FRMD4B: variants seen among roughly 807,000 people sequenced by gnomAD.
FRMD4B encodes the protein FERM domain-containing protein 4B.
FRMD4B carries 74 observed loss-of-function variants against 141.5 expected under a neutral mutation model. The observed-to-expected ratio is 0.52, with a 90% confidence interval of 0.43 to 0.63. The LOEUF (loss-of-function observed/expected upper bound fraction) is 0.63, where lower values mean the gene tolerates loss of function less well. Among genes scored for constraint, FRMD4B ranks in the 30% least tolerant of loss-of-function variants. FRMD4B has a pLI of 0.00. For missense variants in FRMD4B, 1,366 were observed against 1,253.4 expected, an observed-to-expected ratio of 1.09 and a Z score of -1.36; for synonymous variants, 506 against 467.9, an observed-to-expected ratio of 1.08 and a Z score of -1.05.
intron 1 of FRMD4B, among the ~76,000 whole-genome samples, chr3:69,379,729 A>G (rs1704066594): frequency 6.6e-6 from 1 of 152,200 alleles, no homozygotes; most frequent in Admixed American, 6.5e-5. Flanking sequence ...GCTGGATAGT[A>G]AATATTTTCA....
intron 1 of FRMD4B, among the ~76,000 whole-genome samples, chr3:69,360,362 T>C (rs191354320): frequency 5.9e-5 from 9 of 152,346 alleles, no homozygotes; most frequent in Admixed American, 5.2e-4. Context: ...AGATAAGGAC[T>C]CTTTTTTAAA....
intron 1 of FRMD4B, among the ~76,000 whole-genome samples, chr3:69,371,175 T>C (rs147666770): frequency 3.3e-5 from 5 of 152,338 alleles, no homozygotes; most frequent in Non-Finnish European, 7.3e-5. Flanking sequence ...AAGCATCATG[T>C]AGACTTCTCA....
At chr3:69,492,796 T>C (rs1706322208) in intron 1 of FRMD4B, among the ~76,000 whole-genome samples, 1 of 152,252 alleles carries the variant, frequency 6.6e-6, no homozygotes, top group Non-Finnish European at 1.5e-5. Flanking sequence ...TGGAATGTCT[T>C]GTATGTCTGC....
chr3:69,368,814 T>C (rs1169363227), intron 1 of FRMD4B, among the ~76,000 whole-genome samples: 3 of 152,100 alleles, frequency 2.0e-5, no homozygotes, highest in Non-Finnish European at 4.4e-5. Flanking sequence ...CACACCACCA[T>C]ATCTGGCTAA....
At chr3:69,373,779 G>A (rs562992980) in intron 1 of FRMD4B, among the ~76,000 whole-genome samples, 2 of 152,116 alleles carry the variant, frequency 1.3e-5, no homozygotes, top group African/African-American at 4.8e-5. Flanking sequence ...AGGCTAAGGC[G>A]AGAGGATCAC....
chr3:69,334,648 C>T (rs1702484050), intron 1 of FRMD4B, among the ~76,000 whole-genome samples: 1 of 152,140 alleles, frequency 6.6e-6, no homozygotes, highest in African/African-American at 2.4e-5. Flanking sequence ...GTACCTTCCA[C>T]TCAATGACCC....
intron 1 of FRMD4B, among the ~76,000 whole-genome samples, chr3:69,491,157 G>C (rs975202414): frequency 1.3e-5 from 2 of 152,200 alleles, no homozygotes; most frequent in African/African-American, 2.4e-5. Flanking sequence ...AATCAAAGCG[G>C]AGTCTGTCCC....
Position 69,196,977 on chromosome 3 carries a change from T to C in FRMD4B, c.1015A>G (p.Asn339Asp), listed in dbSNP as rs2092913395. The C allele has an allele frequency of 3.1e-6, 5 of 1,604,624 alleles. No homozygotes were observed. Among genetic ancestry groups the C allele is most frequent in the Non-Finnish European group, 4.3e-6 (5 of 1,171,230 alleles). Reference sequence around the variant, plus strand: ...CAAATGGACTTGATGAGAGAAGAGTTAGCATACCATGTTTGCACAAACAAG... The same window carrying C: ...CAAATGGACTTGATGAGAGAAGAGTCAGCATACCATGTTTGCACAAACAAG... The part of the protein sequence containing the change: ...SGLFVQTWYA[N>D]SSLIKSIWVM... Residue 339 changes from asparagine (N) to aspartate (D), a missense_variant, in exon 13 of 23, where the codon AAC becomes GAC. Coordinates refer to ENST00000398540, the MANE Select transcript of FRMD4B (RefSeq NM_015123.3).
chr3:69,200,599 C>T, intron 11 of FRMD4B: 1 of 1,192,888 alleles, frequency 8.4e-7, no homozygotes, highest in Non-Finnish European at 1.1e-6. Flanking sequence ...AGCAACTCTC[C>T]TGAGTGACAC....
At chr3:69,535,757 G>C in intron 1 of FRMD4B, 1 of 465,534 alleles carries the variant, frequency 2.1e-6, no homozygotes. Context: ...TTCCTAGACA[G>C]GTGTGCAGGC....
intron 1 of FRMD4B, among the ~76,000 whole-genome samples, chr3:69,382,265 C>T (rs530672816): frequency 3.3e-5 from 5 of 152,344 alleles, no homozygotes; most frequent in South Asian, 2.1e-4. Context: ...GTCTCGAACT[C>T]GTAAGCTCAA....
At chr3:69,205,212 G>T (rs2093013197) in intron 11 of FRMD4B, among the ~76,000 whole-genome samples, 1 of 151,058 alleles carries the variant, frequency 6.6e-6, no homozygotes. Context: ...TGTCACCTAA[G>T]CTGGAGTACA....
In FRMD4B at chr3:69,169,178, A is replaced by G. The variant is rs1214264413; in HGVS notation, c.*2683T>C. Among the ~76,000 whole-genome samples the G allele has an allele frequency of 6.6e-6, 1 of 152,142 alleles. No individual in the cohort carries two copies. The highest frequency in any genetic ancestry group is 1.5e-5 in the Non-Finnish European group (1 of 68,028). Reference sequence around the variant, plus strand: ...TACTATTTTGGTTTTGCATTTAACCATGGTATTTTGTAATAAAAAAGAGGA... The same window carrying G: ...TACTATTTTGGTTTTGCATTTAACCGTGGTATTTTGTAATAAAAAAGAGGA... On this transcript the variant is annotated 3_prime_UTR_variant, in exon 23 of 23. Coordinates refer to ENST00000398540, the MANE Select transcript of FRMD4B (RefSeq NM_015123.3).
chr3:69,391,023 G>C (rs1704371450), upstream of FRMD4B, among the ~76,000 whole-genome samples: 1 of 152,020 alleles, frequency 6.6e-6, no homozygotes, highest in Non-Finnish European at 1.5e-5. Context: ...AGCAATCACT[G>C]TATAATGGTT....
intron 1 of FRMD4B, among the ~76,000 whole-genome samples, chr3:69,520,755 C>CCTTGCT (rs1381865372): frequency 3.3e-5 from 5 of 152,114 alleles, no homozygotes; most frequent in Admixed American, 1.3e-4. Context: ...ACTTCCCAAT[C>CCTTGCT]CTTGCTCCTG....
At chr3:69,250,541 C>T (rs1303261436) in intron 5 of FRMD4B, among the ~76,000 whole-genome samples, 2 of 152,020 alleles carry the variant, frequency 1.3e-5, no homozygotes, top group East Asian at 1.9e-4. Flanking sequence ...TTTCAGTATA[C>T]ACACAATGTA....
chr3:69,256,949 T>C (rs1171221303), intron 5 of FRMD4B, among the ~76,000 whole-genome samples: 1 of 152,200 alleles, frequency 6.6e-6, no homozygotes, highest in East Asian at 1.9e-4. Flanking sequence ...TCAGCACAAC[T>C]GATATTTTGA....
At chr3:69,374,747 T>C (rs965818085) in intron 1 of FRMD4B, among the ~76,000 whole-genome samples, 1 of 152,196 alleles carries the variant, frequency 6.6e-6, no homozygotes, top group Non-Finnish European at 1.5e-5. Context: ...TAGTGCTGCC[T>C]CATAAAATCC....
Position 69,196,341 on chromosome 3 carries a change from G to T in FRMD4B, c.1148C>A (p.Thr383Lys). The T allele has an allele frequency of 1.9e-6, 3 of 1,610,942 alleles. No individual in the cohort carries two copies. The highest frequency in any genetic ancestry group is 2.5e-6 in the Non-Finnish European group (3 of 1,178,402). ...LDEIAMDLTE[T>K]GTQRASKLVT... is the part of the protein sequence containing the mutation. ...CAGCTTGGAGGCCCTTTGTGTTCCTGTCTCTGTCAAATCCATTGCAATCTC... is the reference window on the plus strand; with the variant it reads ...CAGCTTGGAGGCCCTTTGTGTTCCTTTCTCTGTCAAATCCATTGCAATCTC... Residue 383 changes from threonine (T) to lysine (K), a missense_variant, in exon 14 of 23, where the codon ACA (threonine) becomes AAA (lysine). Transcript: ENST00000398540.
Sources: gnomAD v4.1 joint callset for allele counts (sites outside exome capture counted in the v4.1 genomes callset) on GRCh38, gnomAD v4.1.1 for gene constraint, MANE v1.5 for transcripts, NCBI Gene and HGNC (gene_info 2026-07-23, HGNC 2026-07-21) for gene names.